CBX1: variants seen among roughly 807,000 people sequenced by gnomAD.
CBX1 encodes chromobox protein homolog 1.
Under a neutral mutation model 25.1 loss-of-function variants are expected in CBX1, and 10 were observed. The ratio of observed to expected loss-of-function variants is 0.40; its 90% confidence interval spans 0.25 to 0.68. The LOEUF (loss-of-function observed/expected upper bound fraction) is 0.68, where lower values mean the gene tolerates loss of function less well. CBX1 is among the 30% of genes least tolerant of loss of function. CBX1 has a pLI of 0.40. For missense variants in CBX1, 106 were observed against 218.5 expected (o/e 0.49, Z 3.25); for synonymous variants, 63 against 79.4 (o/e 0.79, Z 1.10).
At chr17:48,076,526 C>T (rs1257721060) in intron 2 of CBX1, among the ~76,000 whole-genome samples, 2 of 151,948 alleles carry the variant, frequency 1.3e-5, no homozygotes, top group African/African-American at 4.8e-5. Flanking sequence ...GGCAACTAAG[C>T]GAGACATGGT....
chr17:48,074,068 T>C (rs1214882462), intron 4 of CBX1, among the ~76,000 whole-genome samples: 1 of 152,126 alleles, frequency 6.6e-6, no homozygotes, highest in Non-Finnish European at 1.5e-5. Context: ...GCCTAGGGAA[T>C]ACATAGAAGA....
chr17:48,093,430 G>A (rs911769377), intron 1 of CBX1, among the ~76,000 whole-genome samples: 1 of 152,072 alleles, frequency 6.6e-6, no homozygotes, highest in African/African-American at 2.4e-5. Context: ...AGCCATAAAC[G>A]CACTATAGGA....
At chr17:48,071,678 G>C in intron 4 of CBX1, 99 bp from the exon 5 acceptor site, 1 of 993,676 alleles carries the variant, frequency 1.0e-6, no homozygotes, top group Non-Finnish European at 1.4e-6. Flanking sequence ...GGTAATTTTA[G>C]AAAAATAGGC....
chr17:48,071,936 T>C (rs1297041341), intron 4 of CBX1, among the ~76,000 whole-genome samples: 2 of 151,188 alleles, frequency 1.3e-5, no homozygotes, highest in African/African-American at 4.9e-5. Context: ...ACCACACTCC[T>C]CCAAAAGCCA....
chr17:48,084,886 G>A (rs2063303254), intron 1 of CBX1, among the ~76,000 whole-genome samples: 2 of 151,290 alleles, frequency 1.3e-5, no homozygotes. Context: ...CTCCAGCCTG[G>A]GCGACAGAGC....
At chr17:48,074,852 G>C (rs1285071226) in intron 4 of CBX1, 154 bp downstream of exon 4, 1 of 663,486 alleles carries the variant, frequency 1.5e-6, no homozygotes, top group Non-Finnish European at 2.7e-6. Context: ...GTCCAGGGTG[G>C]CAGTCAGGCC....
intron 1 of CBX1, among the ~76,000 whole-genome samples, chr17:48,100,284 C>T: frequency 6.6e-6 from 1 of 152,138 alleles, no homozygotes; most frequent in South Asian, 2.1e-4. Flanking sequence ...ATTTCTCGCA[C>T]CTCACACGAT....
At chr17:48,097,482 C>T (rs533163741) in intron 1 of CBX1, among the ~76,000 whole-genome samples, 4 of 151,274 alleles carry the variant, frequency 2.6e-5, no homozygotes, top group Admixed American at 1.3e-4. Context: ...CGGGCGTTGT[C>T]GGGGCCCCCT....
At chr17:48,082,418 C>T (rs1433353159) in intron 1 of CBX1, among the ~76,000 whole-genome samples, 1 of 133,372 alleles carries the variant, frequency 7.5e-6, no homozygotes, top group African/African-American at 2.8e-5. Context: ...AGGAGAATGG[C>T]GTGAACTCGG....
chr17:48,087,214 G>A (rs67847113), intron 1 of CBX1, among the ~76,000 whole-genome samples: 4,793 of 149,172 alleles, frequency 0.032, 90 homozygotes, highest in East Asian at 0.054. Flanking sequence ...AAAGAATTCA[G>A]AGGAAAGCGA....
intron 1 of CBX1, among the ~76,000 whole-genome samples, chr17:48,096,068 C>T (rs1289177703): frequency 3.3e-5 from 5 of 152,108 alleles, no homozygotes; most frequent in East Asian, 1.9e-4. Context: ...TTAGTAGAGA[C>T]GGAGTTTCTC....
At chr17:48,091,270 A>G (rs2063342300) in intron 1 of CBX1, among the ~76,000 whole-genome samples, 1 of 152,134 alleles carries the variant, frequency 6.6e-6, no homozygotes, top group African/African-American at 2.4e-5. Context: ...TCCTTTTTCC[A>G]TCTAGTTCTT....
intron 1 of CBX1, among the ~76,000 whole-genome samples, chr17:48,084,308 A>C (rs1301224477): frequency 8.0e-6 from 1 of 125,652 alleles, no homozygotes; most frequent in East Asian, 2.4e-4. Flanking sequence ...CCGCCTCCAG[A>C]GTTCAAGCGA....
At chr17:48,072,276 G>A (rs1422177865) in intron 4 of CBX1, among the ~76,000 whole-genome samples, 1 of 152,054 alleles carries the variant, frequency 6.6e-6, no homozygotes, top group Non-Finnish European at 1.5e-5. Context: ...CTCCCAAAGT[G>A]TTGGGATTAC....
At position 48,076,095 on chromosome 17, in the gene CBX1, T is replaced by G; in HGVS notation, c.224A>C (p.His75Pro). The change falls in exon 3 of 5, where the codon CAT becomes CCT. Residue 75 changes from histidine to proline, a missense_variant. By Grantham distance (77) the His-to-Pro change is moderately conservative. Transcript: ENST00000225603. ...GCCTCCCTCTGATTTATCTGTCTCA[T>G]GTGCTGTTTTCTGTGACTGCAGAAA... ...AEFLQSQKTAHETDKSEGGKR... is the reference protein window; with the variant it reads ...AEFLQSQKTAPETDKSEGGKR... 7 of 1,613,348 alleles carry G rather than the reference T, an allele frequency of 4.3e-6. No individual in the cohort carries two copies. Among genetic ancestry groups the G allele is most frequent in the Non-Finnish European group, 5.9e-6 (7 of 1,179,360 alleles).
At chr17:48,096,382 G>A (rs1187496301) in intron 1 of CBX1, 3 of 984,808 alleles carry the variant, frequency 3.0e-6, no homozygotes, top group Non-Finnish European at 3.6e-6. Flanking sequence ...TATGGACACA[G>A]AGATACCTCA....
intron 1 of CBX1, among the ~76,000 whole-genome samples, chr17:48,083,097 C>T (rs1465556424): frequency 6.7e-6 from 1 of 149,920 alleles, no homozygotes; most frequent in Non-Finnish European, 1.5e-5. Flanking sequence ...AACTCCCAAC[C>T]TCAGGTGATC....
intron 1 of CBX1, among the ~76,000 whole-genome samples, chr17:48,083,379 G>T (rs980077510): frequency 2.0e-5 from 3 of 150,414 alleles, no homozygotes; most frequent in African/African-American, 7.5e-5. Context: ...CCAGAATCCT[G>T]TGACACAAAC....
intron 1 of CBX1, among the ~76,000 whole-genome samples, chr17:48,086,029 C>T (rs1411372659): frequency 1.3e-5 from 2 of 152,134 alleles, no homozygotes; most frequent in African/African-American, 4.8e-5. Context: ...CAAAATCACG[C>T]CACTGCACTC....
Sources: allele counts gnomAD v4.1 joint callset (sites outside exome capture counted in the v4.1 genomes callset), GRCh38; gene constraint gnomAD v4.1.1; transcripts MANE v1.5; gene names NCBI Gene and HGNC (gene_info 2026-07-23, HGNC 2026-07-21).